The following BRD10 variants were observed in gnomAD, a reference collection of about 807,000 sequenced individuals.
BRD10 encodes the protein bromodomain containing 10.
At chr9:5,998,530 T>A in the BRD10 span, among the ~76,000 whole-genome samples, 5 of 152,124 alleles carry the variant, frequency 3.3e-5, no homozygotes, top group Admixed American at 6.5e-5. Context: ...GAGAAAAGAC[T>A]CCTTTCTCTC....
the BRD10 span, chr9:5,944,995 C>A: frequency 8.8e-7 from 1 of 1,131,954 alleles, no homozygotes; most frequent in East Asian, 2.7e-5. Flanking sequence ...CTTGATAACA[C>A]ATAATATAAA....
the BRD10 span, chr9:5,908,596 T>C: frequency 1.9e-5 from 29 of 1,513,024 alleles, no homozygotes; most frequent in Middle Eastern, 1.7e-4. Context: ...TAGAAACACA[T>C]ACACTGTTGC....
the BRD10 span, among the ~76,000 whole-genome samples, chr9:5,888,763 A>G: frequency 2.2e-4 from 33 of 152,332 alleles, no homozygotes; most frequent in African/African-American, 7.9e-4. Context: ...ATCATTCTAC[A>G]GTTGTTCAGC....
chr9:5,918,815 C>CAA, the BRD10 span, among the ~76,000 whole-genome samples: 9 of 104,852 alleles, frequency 8.6e-5, no homozygotes, highest in African/African-American at 3.1e-4. Flanking sequence ...ACAGGTGAGT[C>CAA]AAAAAAAAAA....
At chr9:5,947,008 T>C in the BRD10 span, among the ~76,000 whole-genome samples, 1 of 152,078 alleles carries the variant, frequency 6.6e-6, no homozygotes, top group Non-Finnish European at 1.5e-5. Flanking sequence ...CAACTAAACA[T>C]GCCCTAAAAC....
the BRD10 span, chr9:5,933,863 T>G: frequency 2.1e-6 from 1 of 470,174 alleles, no homozygotes; most frequent in African/African-American, 2.0e-5. Context: ...AATCTACTGA[T>G]GCTGGGGACA....
At chr9:5,915,479 C>G in the BRD10 span, among the ~76,000 whole-genome samples, 1 of 152,198 alleles carries the variant, frequency 6.6e-6, no homozygotes, top group East Asian at 1.9e-4. Context: ...CATATACTTT[C>G]GAATATTCTT....
At chr9:6,007,901 C>A in the BRD10 span, 1 of 1,364,294 alleles carries the variant, frequency 7.3e-7, no homozygotes, top group South Asian at 1.7e-5. Context: ...CCCGCCACAT[C>A]GGGCCTGGCT....
At chr9:5,906,765 G>T in the BRD10 span, 1 of 601,950 alleles carries the variant, frequency 1.7e-6, no homozygotes. Flanking sequence ...AAGGCACACA[G>T]CAAGTAAGTG....
chr9:6,008,108 C>T, the BRD10 span: 1 of 984,302 alleles, frequency 1.0e-6, no homozygotes, highest in Non-Finnish European at 1.2e-6. Context: ...CTGCTCTTCA[C>T]CGGCCAGGCC....
the BRD10 span, among the ~76,000 whole-genome samples, chr9:5,896,792 C>T: frequency 6.6e-6 from 1 of 152,118 alleles, no homozygotes; most frequent in Non-Finnish European, 1.5e-5. Flanking sequence ...GAACACAGGG[C>T]CCAAGAGGCT....
chr9:5,993,738 C>A, the BRD10 span, among the ~76,000 whole-genome samples: 1 of 152,288 alleles, frequency 6.6e-6, no homozygotes, highest in South Asian at 2.1e-4. Flanking sequence ...CTCCTATTGG[C>A]TGAACCCAAT....
the BRD10 span, among the ~76,000 whole-genome samples, chr9:5,971,658 G>C: frequency 6.6e-6 from 1 of 152,044 alleles, no homozygotes; most frequent in African/African-American, 2.4e-5. Context: ...TTACATTTGA[G>C]TACCTAAAAA....
the BRD10 span, among the ~76,000 whole-genome samples, chr9:5,952,102 C>T: frequency 6.6e-6 from 1 of 151,924 alleles, no homozygotes; most frequent in African/African-American, 2.4e-5. Flanking sequence ...CTCACTGCAA[C>T]CTCTGCCTCC....
the BRD10 span, among the ~76,000 whole-genome samples, chr9:5,975,273 TA>T: frequency 4.0e-5 from 6 of 149,514 alleles, no homozygotes; most frequent in Admixed American, 2.7e-4. Flanking sequence ...CTGTCTCTAC[TA>T]AAAAAAAATA....
chr9:5,974,669 A>G, the BRD10 span, among the ~76,000 whole-genome samples: 133 of 152,326 alleles, frequency 8.7e-4, no homozygotes, highest in African/African-American at 3.0e-3. Context: ...CACAGTACCA[A>G]TGAGTAGAGA....
the BRD10 span, among the ~76,000 whole-genome samples, chr9:5,942,523 T>A: frequency 6.6e-6 from 1 of 152,168 alleles, no homozygotes; most frequent in Non-Finnish European, 1.5e-5. Flanking sequence ...TTGTAAAAAA[T>A]AAGGAACAAT....
the BRD10 span, among the ~76,000 whole-genome samples, chr9:5,980,579 A>G: frequency 6.6e-6 from 1 of 152,220 alleles, no homozygotes; most frequent in Admixed American, 6.5e-5. Context: ...TAGGTAACAA[A>G]TTAGAAACCA....
chr9:6,007,062 C>G, the BRD10 span: 1 of 896,460 alleles, frequency 1.1e-6, no homozygotes, highest in Non-Finnish European at 1.7e-6. Context: ...CGCTCCTCCT[C>G]CCGGGCTTCT....
Sources: gnomAD v4.1 joint callset for allele counts (sites outside exome capture counted in the v4.1 genomes callset) on GRCh38, gnomAD v4.1.1 for gene constraint, MANE v1.5 for transcripts, NCBI Gene and HGNC (gene_info 2026-07-23, HGNC 2026-07-21) for gene names.